NAALADL2: variants seen among roughly 807,000 people sequenced by gnomAD.
NAALADL2 encodes the protein N-acetylated alpha-linked acidic dipeptidase like 2.
A neutral mutation model predicts 87.2 loss-of-function variants in NAALADL2; 76 were observed. The ratio of observed to expected loss-of-function variants is 0.87; its 90% CI spans 0.72 to 1.05. The LOEUF is 1.05. Among genes scored for constraint, NAALADL2 ranks in the 50% least tolerant of loss-of-function variants. NAALADL2 has a pLI of 0.00. For missense variants in NAALADL2, 1,089 were observed against 945.8 expected (o/e 1.15, Z -1.99); for synonymous variants, 354 against 331.0 (o/e 1.07, Z -0.75).
At chr3:175,061,135 TA>T (rs1713390075) in intron 1 of NAALADL2, among the ~76,000 whole-genome samples, 1 of 152,102 alleles carries the variant, frequency 6.6e-6, no homozygotes, top group East Asian at 1.9e-4. Flanking sequence ...TTTCTTTTCT[TA>T]AAAAAATTGG....
chr3:174,765,291 A>G (rs939901758), intron 3 of NAALADL2, among the ~76,000 whole-genome samples: 1 of 152,180 alleles, frequency 6.6e-6, no homozygotes, highest in South Asian at 2.1e-4. Context: ...TGAGGAATAC[A>G]CATTTTTATT....
At chr3:175,212,468 A>G (rs1366779428) in intron 2 of NAALADL2, among the ~76,000 whole-genome samples, 1 of 152,156 alleles carries the variant, frequency 6.6e-6, no homozygotes, top group Non-Finnish European at 1.5e-5. Flanking sequence ...AAGAAATCAT[A>G]TGGTAAAACA....
rs906130671 is a variant in NAALADL2 at position 175,808,206 on chromosome 3, T to C, written c.*5003T>C. 2 of 151,922 alleles carry C rather than the reference T, an allele frequency of 1.3e-5. No individual in the cohort carries two copies. Among genetic ancestry groups the C allele is most frequent in the African/African-American group, 4.8e-5 (2 of 41,412 alleles). 9.4% of individuals were successfully genotyped at this position (151,922 alleles called of 1,614,324 possible). A position where few individuals can be genotyped will look rare whatever the true frequency, so the allele number is the denominator to read the frequency against. On this transcript the variant is annotated 3_prime_UTR_variant, in exon 14 of 14. Coordinates refer to ENST00000454872, the MANE Select transcript of NAALADL2 (RefSeq NM_207015.3). ...TTACCCTGATTATTGCAAGATGACA[T>C]ATTTCTTAAGCCATTTATAATCTCA...
intron 9 of NAALADL2, among the ~76,000 whole-genome samples, chr3:175,539,446 T>A (rs532928283): frequency 6.6e-6 from 1 of 152,284 alleles, no homozygotes; most frequent in Admixed American, 6.5e-5. Flanking sequence ...TGTACAACAT[T>A]GTGTAAACAA....
chr3:175,201,962 C>T (rs762194899), intron 2 of NAALADL2, among the ~76,000 whole-genome samples: 3 of 152,098 alleles, frequency 2.0e-5, no homozygotes, highest in Admixed American at 6.6e-5. Context: ...TTATGTATCA[C>T]TTACATGGTA....
intron 1 of NAALADL2, among the ~76,000 whole-genome samples, chr3:174,446,966 A>T (rs965396687): frequency 5.9e-5 from 9 of 152,104 alleles, no homozygotes; most frequent in African/African-American, 1.7e-4. Flanking sequence ...TTTGCATTTA[A>T]TTTTGCTAGA....
At chr3:174,501,007 C>T (rs571076003) in intron 1 of NAALADL2, among the ~76,000 whole-genome samples, 9 of 148,602 alleles carry the variant, frequency 6.1e-5, no homozygotes, top group Admixed American at 1.4e-4. Flanking sequence ...TAGGCGCCCG[C>T]CACCATGCCC....
At chr3:174,452,559 C>G (rs541677390) in intron 1 of NAALADL2, among the ~76,000 whole-genome samples, 2 of 152,028 alleles carry the variant, frequency 1.3e-5, no homozygotes, top group African/African-American at 4.8e-5. Context: ...TTAGCCCCAA[C>G]CCCCGCCCAC....
intron 2 of NAALADL2, among the ~76,000 whole-genome samples, chr3:174,639,770 TTAA>T (rs1259722074): frequency 1.1e-4 from 16 of 152,368 alleles, no homozygotes; most frequent in African/African-American, 3.4e-4. Context: ...AAACTTTTTA[TTAA>T]TGTTTTATTG....
At chr3:175,667,235 GAAAGAAA>G (rs777416011) in intron 11 of NAALADL2, among the ~76,000 whole-genome samples, 1 of 112,548 alleles carries the variant, frequency 8.9e-6, no homozygotes, top group Admixed American at 8.2e-5. Context: ...AAGAAAGAAA[GAAAGAAA>G]AAGAAAGAAA....
chr3:174,999,918 C>T (rs1748005951), intron 1 of NAALADL2, among the ~76,000 whole-genome samples: 1 of 152,008 alleles, frequency 6.6e-6, no homozygotes, highest in Non-Finnish European at 1.5e-5. Flanking sequence ...TGGAGAACTT[C>T]TAGTTTTAGT....
chr3:174,755,300 T>A (rs1310712876), intron 3 of NAALADL2, among the ~76,000 whole-genome samples: 3 of 152,192 alleles, frequency 2.0e-5, no homozygotes, highest in African/African-American at 7.2e-5. Context: ...CCTCATTTTT[T>A]AAATAAATTA....
chr3:175,182,830 T>G (rs547635937), intron 2 of NAALADL2, among the ~76,000 whole-genome samples: 1 of 152,138 alleles, frequency 6.6e-6, no homozygotes, highest in South Asian at 2.1e-4. Flanking sequence ...GTCATGTAGC[T>G]TTTCCTCTCT....
chr3:175,742,550 A>G (rs541261392), intron 12 of NAALADL2, among the ~76,000 whole-genome samples: 1 of 151,640 alleles, frequency 6.6e-6, no homozygotes, highest in Admixed American at 6.6e-5. Context: ...GGCGCCCACC[A>G]CCACACCCGG....
At chr3:174,868,955 A>G (rs1332406039) in intron 1 of NAALADL2, among the ~76,000 whole-genome samples, 1 of 152,208 alleles carries the variant, frequency 6.6e-6, no homozygotes, top group Admixed American at 6.5e-5. Flanking sequence ...GGAAGAAGAC[A>G]TGAATAATGA....
intron 3 of NAALADL2, among the ~76,000 whole-genome samples, chr3:174,766,221 T>A (rs1043331506): frequency 6.6e-6 from 1 of 152,198 alleles, no homozygotes; most frequent in Non-Finnish European, 1.5e-5. Context: ...CTTATTGGGC[T>A]GGTTTTGTCT....
chr3:175,724,089 C>T (rs185237938), intron 11 of NAALADL2, among the ~76,000 whole-genome samples: 111 of 152,186 alleles, frequency 7.3e-4, no homozygotes, highest in Non-Finnish European at 1.5e-3. Context: ...TAACTGAGGA[C>T]TGTTGAATTA....
chr3:175,024,576 C>T (rs1751978716), intron 1 of NAALADL2, among the ~76,000 whole-genome samples: 1 of 151,974 alleles, frequency 6.6e-6, no homozygotes, highest in African/African-American at 2.4e-5. Flanking sequence ...CTAAATGGCA[C>T]ATATGTAAAA....
At chr3:175,058,689 C>T (rs553540262) in intron 1 of NAALADL2, among the ~76,000 whole-genome samples, 1 of 152,058 alleles carries the variant, frequency 6.6e-6, no homozygotes, top group South Asian at 2.1e-4. Flanking sequence ...TATGAAAGCT[C>T]GTAAGCTCAT....
Sources: allele counts gnomAD v4.1 joint callset (sites outside exome capture counted in the v4.1 genomes callset), GRCh38; gene constraint gnomAD v4.1.1; transcripts MANE v1.5; gene names NCBI Gene and HGNC (gene_info 2026-07-23, HGNC 2026-07-21).